TAFA1: variants seen among roughly 807,000 people sequenced by gnomAD.
TAFA1 encodes the protein chemokine-like protein TAFA-1.
In TAFA1, 4 loss-of-function variants were observed where a neutral mutation model predicts 18.5. The ratio of observed to expected loss-of-function variants is 0.22; its 90% CI spans 0.11 to 0.49. The LOEUF is 0.49. TAFA1 is among the 20% of genes least tolerant of loss of function. The probability of loss-of-function intolerance (pLI) is 0.98; values close to 1 mark genes in which losing one functional copy is unlikely to be tolerated. For synonymous variants in TAFA1, 56 were observed against 55.2 expected (o/e 1.01, Z -0.06); for missense variants, 147 against 169.0 (o/e 0.87, Z 0.72).
intron 3 of TAFA1, among the ~76,000 whole-genome samples, chr3:68,442,634 G>T (rs527272480): frequency 1.3e-5 from 2 of 152,228 alleles, no homozygotes; most frequent in South Asian, 4.2e-4. Flanking sequence ...AGGGAGGCAG[G>T]GAGGAAAGGG....
At chr3:68,255,891 TTTTAA>T (rs2067289408) in intron 2 of TAFA1, among the ~76,000 whole-genome samples, 1 of 152,122 alleles carries the variant, frequency 6.6e-6, no homozygotes, top group Non-Finnish European at 1.5e-5. Flanking sequence ...TAACAAACAC[TTTTAA>T]TTAACAGAAG....
At chr3:68,078,312 T>C (rs940763878) in intron 2 of TAFA1, among the ~76,000 whole-genome samples, 5 of 151,718 alleles carry the variant, frequency 3.3e-5, no homozygotes, top group Non-Finnish European at 5.9e-5. Context: ...TTCCTTCTCC[T>C]GCCTGATTGC....
At chr3:68,467,551 G>C (rs947805337) in intron 3 of TAFA1, among the ~76,000 whole-genome samples, 1 of 152,190 alleles carries the variant, frequency 6.6e-6, no homozygotes, top group African/African-American at 2.4e-5. Context: ...CTGCAAGGGG[G>C]TCTTGGACTC....
intron 2 of TAFA1, among the ~76,000 whole-genome samples, chr3:68,136,148 T>A (rs1455222404): frequency 6.6e-6 from 1 of 152,174 alleles, no homozygotes; most frequent in Non-Finnish European, 1.5e-5. Context: ...TAGCCTAGTT[T>A]CAAGAATGAG....
intron 2 of TAFA1, among the ~76,000 whole-genome samples, chr3:68,146,297 C>A (rs2065740073): frequency 6.6e-6 from 1 of 152,198 alleles, no homozygotes; most frequent in Admixed American, 6.5e-5. Context: ...GTAGGGACCA[C>A]ACTTTGTGTA....
At chr3:68,477,324 A>T (rs2072118366) in intron 3 of TAFA1, among the ~76,000 whole-genome samples, 1 of 152,070 alleles carries the variant, frequency 6.6e-6, no homozygotes, top group Non-Finnish European at 1.5e-5. Context: ...TCTACTTTTG[A>T]TGGGCATTCA....
At chr3:68,057,898 C>A (rs1368259773) in intron 2 of TAFA1, among the ~76,000 whole-genome samples, 2 of 152,178 alleles carry the variant, frequency 1.3e-5, no homozygotes, top group African/African-American at 2.4e-5. Context: ...ACAATGGATT[C>A]TCCCCTAGAA....
At chr3:68,272,912 C>T (rs1408304347) in intron 2 of TAFA1, among the ~76,000 whole-genome samples, 4 of 152,092 alleles carry the variant, frequency 2.6e-5, no homozygotes, top group South Asian at 2.1e-4. Flanking sequence ...ATTCAAATCC[C>T]ATTCTTTCTT....
At chr3:68,430,743 T>C (rs1175785938) in intron 3 of TAFA1, among the ~76,000 whole-genome samples, 2 of 151,984 alleles carry the variant, frequency 1.3e-5, no homozygotes, top group African/African-American at 4.8e-5. Flanking sequence ...AGGGTTGCTG[T>C]CACCTGAATG....
chr3:68,277,159 A>G (rs187098790), intron 2 of TAFA1, among the ~76,000 whole-genome samples: 73 of 152,312 alleles, frequency 4.8e-4, no homozygotes, highest in African/African-American at 1.7e-3. Flanking sequence ...TGCATACATT[A>G]GAATGTGTAT....
rs528216345 is a variant in TAFA1 at position 68,279,293 on chromosome 3, C to G, written c.119-137987C>G. Among the ~76,000 whole-genome samples, 5 of 152,238 alleles carry G rather than the reference C, an allele frequency of 3.3e-5. No homozygotes were observed. In the South Asian group the frequency reaches 1.0e-3, roughly 32 times the overall value. ...GAAATTTGGGGAGGGGTCCAGGAAT[C>G]TATTCTTTATACAGTTCTTTTGCCA... On this transcript the variant is annotated intron_variant, in intron 2 of 4. Transcript: ENST00000478136.
chr3:68,288,867 A>G (rs1575749533), intron 2 of TAFA1, among the ~76,000 whole-genome samples: 3 of 152,326 alleles, frequency 2.0e-5, no homozygotes, highest in South Asian at 4.1e-4. Flanking sequence ...GGGAGAAAAA[A>G]TGAAATATGC....
At chr3:68,287,038 A>G (rs533877386) in intron 2 of TAFA1, among the ~76,000 whole-genome samples, 2 of 152,272 alleles carry the variant, frequency 1.3e-5, no homozygotes, top group East Asian at 3.9e-4. Context: ...AATGCCAGAG[A>G]ACAGTCAGTT....
At chr3:68,251,249 G>T (rs917568137) in intron 2 of TAFA1, among the ~76,000 whole-genome samples, 53 of 152,140 alleles carry the variant, frequency 3.5e-4, no homozygotes, top group African/African-American at 1.2e-3. Context: ...CATAGTCTCA[G>T]ACTCCAAATT....
At chr3:68,242,042 CT>C (rs1240433422) in intron 2 of TAFA1, among the ~76,000 whole-genome samples, 2 of 152,198 alleles carry the variant, frequency 1.3e-5, no homozygotes, top group African/African-American at 4.8e-5. Context: ...TGACCAACAC[CT>C]TGCCCTGCCT....
intron 2 of TAFA1, among the ~76,000 whole-genome samples, chr3:68,060,550 GC>G: frequency 6.6e-6 from 1 of 152,296 alleles, no homozygotes; most frequent in East Asian, 1.9e-4. Flanking sequence ...TTCTAGACCA[GC>G]AAATGAGATG....
intron 2 of TAFA1, among the ~76,000 whole-genome samples, chr3:68,234,937 C>T (rs780780303): frequency 6.6e-6 from 1 of 152,094 alleles, no homozygotes; most frequent in Admixed American, 6.5e-5. Flanking sequence ...AGTAGAGATC[C>T]TTGAATGAAT....
chr3:68,117,213 T>C (rs769861282), intron 2 of TAFA1, among the ~76,000 whole-genome samples: 10 of 152,332 alleles, frequency 6.6e-5, no homozygotes, highest in African/African-American at 9.6e-5. Flanking sequence ...CATTTTCCCT[T>C]GGAGCCAGTC....
At chr3:68,532,040 T>G (rs1462661050) in intron 3 of TAFA1, among the ~76,000 whole-genome samples, 1 of 152,322 alleles carries the variant, frequency 6.6e-6, no homozygotes, top group African/African-American at 2.4e-5. Context: ...TTGAGGAGAA[T>G]TTTCTTCTCT....
Sources: allele counts gnomAD v4.1 joint callset (sites outside exome capture counted in the v4.1 genomes callset), GRCh38; gene constraint gnomAD v4.1.1; transcripts MANE v1.5; gene names NCBI Gene and HGNC (gene_info 2026-07-23, HGNC 2026-07-21).